PAPPA2: variants seen among roughly 807,000 people sequenced by gnomAD.
PAPPA2 encodes pappalysin 2.
Under a neutral mutation model 176.4 loss-of-function variants are expected in PAPPA2, and 86 were observed. That is an observed-to-expected ratio of 0.49 (90% confidence interval 0.41 to 0.58). The LOEUF (loss-of-function observed/expected upper bound fraction) is 0.58, where lower values mean the gene tolerates loss of function less well. Ranked by LOEUF, PAPPA2 falls within the 20% of genes least tolerant of loss-of-function variation. The probability of loss-of-function intolerance (pLI) is 0.00; values close to 1 mark genes in which losing one functional copy is unlikely to be tolerated. For missense variants in PAPPA2, 2,073 were observed against 2,256.9 expected (o/e 0.92, Z 1.65); for synonymous variants, 809 against 852.2 (o/e 0.95, Z 0.88).
intron 3 of PAPPA2, among the ~76,000 whole-genome samples, chr1:176,601,659 G>A (rs2102661676): frequency 6.6e-6 from 1 of 152,338 alleles, no homozygotes; most frequent in Non-Finnish European, 1.5e-5. Flanking sequence ...GAGATGATCT[G>A]CGAGAGTTAA....
intron 21 of PAPPA2, among the ~76,000 whole-genome samples, chr1:176,837,737 G>C (rs967012741): frequency 4.6e-5 from 7 of 151,056 alleles, no homozygotes; most frequent in African/African-American, 1.4e-4. Flanking sequence ...CTGTGGGTTA[G>C]AGTGATATCC....
chr1:176,708,752 T>G (rs1661000064), intron 10 of PAPPA2, among the ~76,000 whole-genome samples: 1 of 152,122 alleles, frequency 6.6e-6, no homozygotes, highest in East Asian at 1.9e-4. Context: ...AAGAGAATAA[T>G]TAATAACTAT....
At chr1:176,475,630 C>T (rs1652080689) in intron 1 of PAPPA2, among the ~76,000 whole-genome samples, 1 of 152,170 alleles carries the variant, frequency 6.6e-6, no homozygotes, top group Admixed American at 6.5e-5. Context: ...TCTAAAAATC[C>T]CACCAGACAG....
chr1:176,715,555 T>A (rs887640566), intron 12 of PAPPA2, among the ~76,000 whole-genome samples: 1 of 152,170 alleles, frequency 6.6e-6, no homozygotes, highest in Non-Finnish European at 1.5e-5. Context: ...CTCATAACCA[T>A]TCCCGACTTC....
At chr1:176,688,258 C>T (rs571830615) in intron 4 of PAPPA2, among the ~76,000 whole-genome samples, 2 of 152,214 alleles carry the variant, frequency 1.3e-5, no homozygotes, top group East Asian at 3.9e-4. Flanking sequence ...GGTGAAGGCA[C>T]CTGGAAAGAA....
intron 1 of PAPPA2, among the ~76,000 whole-genome samples, chr1:176,526,646 C>T (rs1216995510): frequency 6.6e-6 from 1 of 152,196 alleles, no homozygotes; most frequent in African/African-American, 2.4e-5. Context: ...CAGCAGAGAG[C>T]TTCCCCTGAC....
chr1:176,825,351 C>T (rs888842901), intron 21 of PAPPA2, among the ~76,000 whole-genome samples: 49 of 152,172 alleles, frequency 3.2e-4, no homozygotes, highest in African/African-American at 2.9e-4. Context: ...ATTTATCCCC[C>T]GAGTAGTTGT....
chr1:176,547,904 A>G (rs187553467), intron 1 of PAPPA2, among the ~76,000 whole-genome samples: 2 of 152,294 alleles, frequency 1.3e-5, no homozygotes, highest in East Asian at 3.9e-4. Flanking sequence ...GATTTTTTAA[A>G]AAATGTGGGG....
intron 17 of PAPPA2, among the ~76,000 whole-genome samples, chr1:176,773,218 G>A (rs1046286701): frequency 1.3e-5 from 2 of 152,196 alleles, no homozygotes; most frequent in African/African-American, 4.8e-5. Flanking sequence ...CGTTATGTAA[G>A]CTGATTAAAT....
chr1:176,594,446 T>C, intron 2 of PAPPA2, 78 bp from the exon 3 acceptor site: 1 of 1,219,820 alleles, frequency 8.2e-7, no homozygotes, highest in Non-Finnish European at 1.1e-6. Flanking sequence ...GTTATTTACA[T>C]GGGCTTTCTT....
chr1:176,822,460 T>G (rs1188016519), intron 21 of PAPPA2, among the ~76,000 whole-genome samples: 1 of 152,162 alleles, frequency 6.6e-6, no homozygotes, highest in African/African-American at 2.4e-5. Flanking sequence ...GCACCTCAAC[T>G]CCCACAAATT....
chr1:176,589,163 C>CT (rs769417162), intron 2 of PAPPA2, among the ~76,000 whole-genome samples: 2 of 152,024 alleles, frequency 1.3e-5, no homozygotes, highest in African/African-American at 4.8e-5. Context: ...GTTTGTAACT[C>CT]TATCTATAGT....
At chr1:176,727,745 C>G (rs1359382068) in intron 12 of PAPPA2, among the ~76,000 whole-genome samples, 2 of 151,844 alleles carry the variant, frequency 1.3e-5, no homozygotes, top group African/African-American at 2.4e-5. Flanking sequence ...ACACTACACT[C>G]AAAACAACTG....
chr1:176,749,509 A>ATGT (rs1223245587), intron 14 of PAPPA2, among the ~76,000 whole-genome samples: 2 of 152,230 alleles, frequency 1.3e-5, no homozygotes, highest in Non-Finnish European at 2.9e-5. Context: ...TGTACATTCT[A>ATGT]TGTGCTTGGG....
chr1:176,819,838 A>G (rs565091102), intron 21 of PAPPA2, among the ~76,000 whole-genome samples: 1 of 152,362 alleles, frequency 6.6e-6, no homozygotes, highest in South Asian at 2.1e-4. Flanking sequence ...AGTGCAGTCC[A>G]GCTTAAAGCC....
At chr1:176,726,899 C>T (rs1198006682) in intron 12 of PAPPA2, among the ~76,000 whole-genome samples, 1 of 152,198 alleles carries the variant, frequency 6.6e-6, no homozygotes, top group Admixed American at 6.5e-5. Flanking sequence ...ACTCAGCTGA[C>T]TCCTTCTGTG....
At chr1:176,797,234 T>A (rs1416518398) in intron 20 of PAPPA2, among the ~76,000 whole-genome samples, 4 of 152,234 alleles carry the variant, frequency 2.6e-5, no homozygotes, top group Admixed American at 2.0e-4. Context: ...GAATTGAATC[T>A]ATAGTGACAT....
In PAPPA2 at chr1:176,652,010, CTT is replaced by C. The variant is rs879580230; in HGVS notation, c.1992-18958_1992-18957del. Reference sequence around the variant, plus strand: ...TTTTAAAAAACTATTATGTCAATCTCTTTGTTAATTTTTTCTGATAAATTTCT... The same window carrying C: ...TTTTAAAAAACTATTATGTCAATCTCTGTTAATTTTTTCTGATAAATTTCT... On this transcript the variant is annotated intron_variant, in intron 3 of 22. Transcript: ENST00000367662. 2.8e-4 allele frequency among the ~76,000 whole-genome samples: 42 copies of C among 151,472 alleles called. 2 individuals carry two copies. The East Asian group carries it at 6.3e-3, about 23-fold the overall frequency.
chr1:176,498,097 T>A (rs10913187), intron 1 of PAPPA2, among the ~76,000 whole-genome samples: 17,343 of 152,200 alleles, frequency 0.11, 1,043 homozygotes, highest in Middle Eastern at 0.2. Context: ...TGGTGGAGAG[T>A]TGGAATCACA....
Sources: allele counts gnomAD v4.1 joint callset (sites outside exome capture counted in the v4.1 genomes callset), GRCh38; gene constraint gnomAD v4.1.1; transcripts MANE v1.5; gene names NCBI Gene and HGNC (gene_info 2026-07-23, HGNC 2026-07-21).